PRDM11: variants seen among roughly 807,000 people sequenced by gnomAD.
The protein encoded by PRDM11 is PR domain-containing protein 11.
Under a neutral mutation model 97.8 loss-of-function variants are expected in PRDM11, and 20 were observed. The observed-to-expected ratio is 0.20, with a 90% CI of 0.14 to 0.30. PRDM11 has a LOEUF of 0.30. Among genes scored for constraint, PRDM11 ranks in the 10% least tolerant of loss-of-function variants. The pLI is 1.00. For synonymous variants in PRDM11, 599 were observed against 637.7 expected (o/e 0.94, Z 0.91); for missense variants, 1,139 against 1,555.2 (o/e 0.73, Z 4.50).
At chr11:45,154,450 C>CG (rs1366044114) in intron 1 of PRDM11, among the ~76,000 whole-genome samples, 3 of 152,150 alleles carry the variant, frequency 2.0e-5, no homozygotes, top group Non-Finnish European at 2.9e-5. Context: ...TCAGAAGTTG[C>CG]GGACACATTC....
intron 4 of PRDM11, among the ~76,000 whole-genome samples, chr11:45,201,351 T>G (rs1222492276): frequency 2.0e-5 from 3 of 152,184 alleles, no homozygotes; most frequent in African/African-American, 7.2e-5. Flanking sequence ...AACAGTTGGC[T>G]CTCAGTCAAC....
chr11:45,107,690 G>A (rs762425016), intron 1 of PRDM11, among the ~76,000 whole-genome samples: 11 of 152,118 alleles, frequency 7.2e-5, no homozygotes, highest in Non-Finnish European at 1.3e-4. Flanking sequence ...GCTTTTCCGT[G>A]TTGCTTTCAC....
chr11:45,217,707 G>A (rs1590466173), intron 5 of PRDM11, among the ~76,000 whole-genome samples: 1 of 152,234 alleles, frequency 6.6e-6, no homozygotes, highest in Non-Finnish European at 1.5e-5. Context: ...GAGCAAGGCA[G>A]GATATAGATG....
chr11:45,207,147 C>G (rs571727480), intron 5 of PRDM11, among the ~76,000 whole-genome samples: 57 of 152,208 alleles, frequency 3.7e-4, no homozygotes, highest in Non-Finnish European at 7.5e-4. Flanking sequence ...AGACGCCCCT[C>G]CTGTTGCTGT....
chr11:45,095,633 G>A (rs993047304), upstream of PRDM11, among the ~76,000 whole-genome samples: 4 of 152,250 alleles, frequency 2.6e-5, no homozygotes, highest in African/African-American at 7.2e-5. Flanking sequence ...ATGTCACTAT[G>A]TGACAAAGTT....
chr11:45,119,954 C>T (rs1852394687), intron 1 of PRDM11, among the ~76,000 whole-genome samples: 1 of 152,132 alleles, frequency 6.6e-6, no homozygotes, highest in African/African-American at 2.4e-5. Context: ...GACATAAAAA[C>T]AGCCATGATC....
At chr11:45,173,935 G>A (rs537451011) in intron 1 of PRDM11, among the ~76,000 whole-genome samples, 48 of 152,194 alleles carry the variant, frequency 3.2e-4, no homozygotes, top group Non-Finnish European at 5.7e-4. Context: ...TATTGTAAAA[G>A]CTGGCTGAGT....
intron 7 of PRDM11, among the ~76,000 whole-genome samples, chr11:45,225,646 AT>A (rs1228533565): frequency 6.6e-6 from 1 of 152,164 alleles, no homozygotes; most frequent in Admixed American, 6.5e-5. Context: ...GGAATGTGTG[AT>A]GTGCTTTTCC....
chr11:45,117,183 C>T (rs1407571946), intron 1 of PRDM11, among the ~76,000 whole-genome samples: 1 of 145,110 alleles, frequency 6.9e-6, no homozygotes, highest in Non-Finnish European at 1.5e-5. Flanking sequence ...GATAATACCA[C>T]TGCACTCCAG....
At chr11:45,144,977 A>AC (rs1851474818), upstream of PRDM11, among the ~76,000 whole-genome samples, 1 of 150,828 alleles carries the variant, frequency 6.6e-6, no homozygotes, top group South Asian at 2.1e-4. Context: ...TAATCGTGGA[A>AC]CCCCTCCCCC....
At chr11:45,222,341 C>T (rs574405481) in intron 6 of PRDM11, among the ~76,000 whole-genome samples, 15 of 152,290 alleles carry the variant, frequency 9.8e-5, no homozygotes, top group Admixed American at 8.5e-4. Flanking sequence ...CAAACAATGA[C>T]GAGGAATCTC....
chr11:45,157,628 G>A (rs1218672489), intron 1 of PRDM11, among the ~76,000 whole-genome samples: 1 of 152,212 alleles, frequency 6.6e-6, no homozygotes, highest in South Asian at 2.1e-4. Flanking sequence ...TGTGGAGTAG[G>A]TTGCTGATGC....
At chr11:45,197,959 A>G (rs1410657809) in intron 4 of PRDM11, among the ~76,000 whole-genome samples, 3 of 152,210 alleles carry the variant, frequency 2.0e-5, no homozygotes, top group Admixed American at 6.5e-5. Flanking sequence ...AACATGGCAC[A>G]TGTATACATA....
chr11:45,113,542 A>G (rs937767486), intron 1 of PRDM11, among the ~76,000 whole-genome samples: 1 of 152,168 alleles, frequency 6.6e-6, no homozygotes, highest in African/African-American at 2.4e-5. Context: ...TTTGGGCAGT[A>G]TGGTCATCTT....
intron 1 of PRDM11, among the ~76,000 whole-genome samples, chr11:45,096,280 T>C (rs930118059): frequency 2.6e-5 from 4 of 152,298 alleles, no homozygotes; most frequent in African/African-American, 9.6e-5. Flanking sequence ...TGAATAAATA[T>C]AGGTGGAAAT....
At chr11:45,130,030 G>T (rs1164264133) in intron 1 of PRDM11, among the ~76,000 whole-genome samples, 1 of 152,154 alleles carries the variant, frequency 6.6e-6, no homozygotes, top group Non-Finnish European at 1.5e-5. Flanking sequence ...AGTGGGTGGA[G>T]AATGCCTTTT....
intron 1 of PRDM11, among the ~76,000 whole-genome samples, chr11:45,103,499 A>T (rs1401686805): frequency 6.6e-6 from 1 of 152,092 alleles, no homozygotes; most frequent in East Asian, 1.9e-4. Context: ...TGAGCAGTTC[A>T]CAGTTCCTCC....
chr11:45,118,715 A>T (rs1852356020), intron 1 of PRDM11, among the ~76,000 whole-genome samples: 2 of 152,360 alleles, frequency 1.3e-5, no homozygotes, highest in African/African-American at 4.8e-5. Flanking sequence ...ATCTATGGAG[A>T]TATAATAAAA....
In PRDM11 at chr11:45,227,416, C is replaced by A. The variant is rs771503038; in HGVS notation, c.2791C>A (p.Gln931Lys). 2.6e-6 allele frequency: 4 copies of A among 1,533,884 alleles called. No homozygotes were observed. Among genetic ancestry groups the A allele is most frequent in the Non-Finnish European group, 3.5e-6 (4 of 1,146,732 alleles). ...GGCTGACTCCCCGGGAGAATACCTGCAGGAGTTCGAGGAGAATTTCCGAGA... is the reference window on the plus strand; with the variant it reads ...GGCTGACTCCCCGGGAGAATACCTGAAGGAGTTCGAGGAGAATTTCCGAGA... ...RLADSPGEYL[Q>K]EFEENFRESF... The change falls in exon 8 of 8, where the codon CAG becomes AAG. Residue 931 changes from glutamine to lysine, a missense_variant. Around this residue, in one of 2 missense-constraint regions of PRDM11, gnomAD observed 710 missense variants for 1,044.9 expected, o/e 0.68. Transcript: ENST00000683152. The surrounding 1 kb of genome is among the most constrained non-coding windows in gnomAD (Gnocchi z 8.0).
Sources: gnomAD v4.1 joint callset for allele counts (sites outside exome capture counted in the v4.1 genomes callset) on GRCh38, gnomAD v4.1.1 for gene constraint, gnomAD v4.1.1 regional missense constraint, Gnocchi (gnomAD v3.1) non-coding constraint, MANE v1.5 for transcripts, NCBI Gene and HGNC (gene_info 2026-07-23, HGNC 2026-07-21) for gene names.